IL1RAPL1: variants seen among roughly 807,000 people sequenced by gnomAD.
The protein encoded by IL1RAPL1 is interleukin-1 receptor accessory protein-like 1.
A neutral mutation model predicts 48.4 loss-of-function variants in IL1RAPL1; 3 were observed. That is an observed-to-expected ratio of 0.06 (90% confidence interval 0.03 to 0.16). IL1RAPL1 has a LOEUF of 0.16. IL1RAPL1 is among the 10% of genes least tolerant of loss of function. The pLI is 1.00. For missense variants in IL1RAPL1, 349 were observed against 530.6 expected (o/e 0.66, Z 3.36); for synonymous variants, 185 against 187.7 (o/e 0.99, Z 0.12).
At chrX:28,858,223 C>A (rs1246952323) in intron 2 of IL1RAPL1, among the ~76,000 whole-genome samples, 1 of 112,181 alleles carries the variant, frequency 8.9e-6, no homozygotes, top group Non-Finnish European at 1.9e-5. Context: ...AAGATGAAAT[C>A]TACTCCTGGT....
At chrX:28,909,493 C>G (rs1029406908) in intron 2 of IL1RAPL1, among the ~76,000 whole-genome samples, 10 of 111,186 alleles carry the variant, frequency 9.0e-5, no homozygotes, top group African/African-American at 3.2e-4. Flanking sequence ...TTTCATTAAC[C>G]TCCTTATTTC....
chrX:29,636,992 G>A (rs1272119845), intron 5 of IL1RAPL1, among the ~76,000 whole-genome samples: 1 of 107,348 alleles, frequency 9.3e-6, no homozygotes, highest in Non-Finnish European at 1.9e-5. Flanking sequence ...GGCAGAGGTT[G>A]CGGTGAGCTG....
chrX:29,479,488 G>A (rs1935014957), intron 5 of IL1RAPL1, among the ~76,000 whole-genome samples: 1 of 107,684 alleles, frequency 9.3e-6, no homozygotes, highest in African/African-American at 3.4e-5. Flanking sequence ...AACTTTCTTG[G>A]AGGATTATTT....
chrX:28,714,619 G>T (rs1386577474), intron 1 of IL1RAPL1, among the ~76,000 whole-genome samples: 1 of 111,934 alleles, frequency 8.9e-6, no homozygotes, highest in Non-Finnish European at 1.9e-5. Flanking sequence ...GTTTTAGTTG[G>T]CTCAGAAAAA....
chrX:29,655,756 C>T (rs1327400062), intron 5 of IL1RAPL1, among the ~76,000 whole-genome samples: 1 of 109,836 alleles, frequency 9.1e-6, no homozygotes, highest in Non-Finnish European at 1.9e-5. Flanking sequence ...GGCTTCTGTC[C>T]TCACTGGACA....
rs544616369 is a variant in IL1RAPL1, at chrX:29,306,721, C to T, written c.362+23504C>T. Among the ~76,000 whole-genome samples the T allele has an allele frequency of 5.5e-4, 57 of 103,922 alleles. No homozygotes were observed. The South Asian group carries it at 0.018, about 33-fold the overall frequency. The allele number at this position is 103,922 out of a possible 115,157, so 90.2% of individuals were successfully genotyped here. On this transcript the variant is annotated intron_variant, in intron 3 of 10. Coordinates refer to ENST00000378993, the MANE Select transcript of IL1RAPL1 (RefSeq NM_014271.4). ...ACTAAAAATACAAAAATTAGCTGGG[C>T]GTTGTGGTGCACGCCTATAGTCCCA...
intron 5 of IL1RAPL1, among the ~76,000 whole-genome samples, chrX:29,483,892 CA>C (rs1192923587): frequency 1.8e-5 from 2 of 109,147 alleles, no homozygotes; most frequent in African/African-American, 6.7e-5. Flanking sequence ...TGTGTTTTGC[CA>C]TGTTGCCCAG....
chrX:29,149,948 C>G (rs1480956714), intron 2 of IL1RAPL1, among the ~76,000 whole-genome samples: 1 of 111,575 alleles, frequency 9.0e-6, no homozygotes, highest in Non-Finnish European at 1.9e-5. Flanking sequence ...TCTTTTAATT[C>G]CCGGTACTGT....
chrX:28,847,008 G>GTATCAATC, intron 2 of IL1RAPL1, among the ~76,000 whole-genome samples: 1 of 111,463 alleles, frequency 9.0e-6, no homozygotes, highest in East Asian at 2.8e-4. Context: ...CCAGACACAT[G>GTATCAATC]TATCAATCTG....
intron 6 of IL1RAPL1, among the ~76,000 whole-genome samples, chrX:29,821,187 C>T (rs1197446620): frequency 2.7e-5 from 3 of 111,602 alleles, no homozygotes; most frequent in East Asian, 2.8e-4. Flanking sequence ...TGGGAACTAT[C>T]GCCTGTAATC....
At chrX:29,346,778 A>T (rs1242944519) in intron 3 of IL1RAPL1, among the ~76,000 whole-genome samples, 1 of 112,268 alleles carries the variant, frequency 8.9e-6, no homozygotes, top group East Asian at 2.8e-4. Context: ...CTAAATCCTC[A>T]CTGTTGGCTA....
intron 5 of IL1RAPL1, among the ~76,000 whole-genome samples, chrX:29,663,321 A>G (rs1925902188): frequency 8.9e-6 from 1 of 112,614 alleles, no homozygotes; most frequent in Non-Finnish European, 1.9e-5. Context: ...TGTCAGCTGT[A>G]TAAATCTGTG....
intron 5 of IL1RAPL1, among the ~76,000 whole-genome samples, chrX:29,426,998 TAA>T (rs35208878): frequency 1.3e-4 from 13 of 103,923 alleles, no homozygotes; most frequent in Admixed American, 4.3e-4. Context: ...AAAACCTTTT[TAA>T]AAAAAAAAAA....
intron 1 of IL1RAPL1, among the ~76,000 whole-genome samples, chrX:28,623,696 A>G (rs969742443): frequency 5.5e-4 from 62 of 112,023 alleles, no homozygotes; most frequent in East Asian, 1.1e-3. Context: ...GCTTTGTGAA[A>G]TTGAGCCCTG....
At chrX:29,352,257 G>GTTGTT (rs1228612803) in intron 3 of IL1RAPL1, among the ~76,000 whole-genome samples, 6 of 110,998 alleles carry the variant, frequency 5.4e-5, no homozygotes, top group South Asian at 3.8e-4. Context: ...TTTGTGTTTA[G>GTTGTT]TTGTTTTGTT....
intron 5 of IL1RAPL1, among the ~76,000 whole-genome samples, chrX:29,599,086 T>G (rs1923639696): frequency 8.9e-6 from 1 of 112,170 alleles, no homozygotes; most frequent in Non-Finnish European, 1.9e-5. Flanking sequence ...GTTTGCTGTT[T>G]GAATAGCTTG....
chrX:29,637,799 T>C (rs968913938), intron 5 of IL1RAPL1, among the ~76,000 whole-genome samples: 5 of 112,126 alleles, frequency 4.5e-5, no homozygotes, highest in Admixed American at 1.9e-4. Context: ...ATCTGTTGCA[T>C]AGTAAATACC....
intron 6 of IL1RAPL1, among the ~76,000 whole-genome samples, chrX:29,822,327 G>A (rs1194196545): frequency 9.0e-6 from 1 of 111,120 alleles, no homozygotes; most frequent in Non-Finnish European, 1.9e-5. Flanking sequence ...TGGAACTAAC[G>A]GTGAAGATTT....
At chrX:28,922,922 A>G (rs1323308358) in intron 2 of IL1RAPL1, among the ~76,000 whole-genome samples, 3 of 111,941 alleles carry the variant, frequency 2.7e-5, no homozygotes, top group African/African-American at 9.7e-5. Context: ...GTTATTGTAT[A>G]TTTGTTAAGT....
Sources: allele counts gnomAD v4.1 joint callset (sites outside exome capture counted in the v4.1 genomes callset), GRCh38; gene constraint gnomAD v4.1.1; transcripts MANE v1.5; gene names NCBI Gene and HGNC (gene_info 2026-07-23, HGNC 2026-07-21).